Variants in ANK3 observed in about 807,000 individuals in gnomAD.
ANK3 encodes the protein ankyrin 3, also known as ankyrin-3.
A neutral mutation model predicts 370.9 loss-of-function variants in ANK3; 57 were observed. The ratio of observed to expected loss-of-function variants is 0.15; its 90% CI spans 0.12 to 0.19. The LOEUF is 0.19. Ranked by LOEUF, ANK3 falls within the 10% of genes least tolerant of loss-of-function variation. The pLI, the probability that ANK3 is intolerant of heterozygous loss-of-function variation, is 1.00. For missense variants in ANK3, 4,439 were observed against 5,302.1 expected (o/e 0.84, Z 5.06); for synonymous variants, 1,929 against 1,946.3 (o/e 0.99, Z 0.23).
At chr10:60,085,407 C>T (rs941060915) in intron 30 of ANK3, among the ~76,000 whole-genome samples, 154 bp from the exon 31 acceptor site, 5 of 152,140 alleles carry the variant, frequency 3.3e-5, no homozygotes, top group African/African-American at 1.2e-4. Context: ...GTTTTCCTCT[C>T]TACTCTCCTT....
chr10:60,189,669 C>T (rs1399642660), intron 16 of ANK3, among the ~76,000 whole-genome samples: 1 of 152,088 alleles, frequency 6.6e-6, no homozygotes, highest in Non-Finnish European at 1.5e-5. Context: ...ACTTGCCATA[C>T]TAAGAAAGGC....
chr10:60,363,827 A>G (rs1368951984), intron 1 of ANK3, among the ~76,000 whole-genome samples: 2 of 152,222 alleles, frequency 1.3e-5, no homozygotes, highest in Admixed American at 1.3e-4. Context: ...AAAATGGAAC[A>G]TATGCATATA....
intron 16 of ANK3, among the ~76,000 whole-genome samples, chr10:60,192,233 G>A (rs910057223): frequency 5.3e-5 from 8 of 151,670 alleles, no homozygotes; most frequent in East Asian, 1.9e-4. Context: ...CCCATGGTGC[G>A]CGTGTGTGTG....
intron 1 of ANK3, chr10:60,685,004 C>T (rs2079249001): frequency 1.0e-5 from 16 of 1,550,046 alleles, no homozygotes; most frequent in Middle Eastern, 1.7e-4. Flanking sequence ...TTGCAGCCTA[C>T]CTGCGCAATC....
At chr10:60,399,702 T>C (rs913096960) in intron 2 of ANK3, among the ~76,000 whole-genome samples, 1 of 152,048 alleles carries the variant, frequency 6.6e-6, no homozygotes, top group Non-Finnish European at 1.5e-5. Flanking sequence ...TGCACTAAAC[T>C]CCGTACACTT....
At chr10:60,499,643 A>G (rs945651667) in intron 2 of ANK3, among the ~76,000 whole-genome samples, 2 of 152,196 alleles carry the variant, frequency 1.3e-5, no homozygotes, top group Admixed American at 1.3e-4. Flanking sequence ...TTCCCATTCC[A>G]TTCCTATTCC....
intron 1 of ANK3, among the ~76,000 whole-genome samples, chr10:60,376,442 G>C (rs1290306823): frequency 2.7e-5 from 4 of 150,852 alleles, no homozygotes; most frequent in Non-Finnish European, 6.0e-5. Flanking sequence ...ATGCCAAATG[G>C]ATGGCTATAT....
At chr10:60,628,758 A>C (rs1436084836) in intron 1 of ANK3, among the ~76,000 whole-genome samples, 2 of 152,238 alleles carry the variant, frequency 1.3e-5, no homozygotes, top group African/African-American at 4.8e-5. Flanking sequence ...AAAAATCGTT[A>C]ATATACATGG....
chr10:60,642,639 G>T (rs866300276), intron 1 of ANK3, among the ~76,000 whole-genome samples: 53 of 151,234 alleles, frequency 3.5e-4, no homozygotes, highest in African/African-American at 1.3e-3. Context: ...TTGTGGGGTG[G>T]GGGGGCGAGG....
intron 42 of ANK3, chr10:60,043,034 A>G: frequency 2.5e-6 from 3 of 1,192,374 alleles, no homozygotes; most frequent in Non-Finnish European, 3.1e-6. Flanking sequence ...CAGCCTATCC[A>G]TTTCCTATAG....
At position 60,069,212 on chromosome 10, in the gene ANK3, T is replaced by C. The variant is rs2082226203; in HGVS notation, c.11669A>G (p.Lys3890Arg). The C allele has an allele frequency of 6.2e-7, 1 of 1,614,172 alleles. No individual in the cohort carries two copies. The highest frequency in any genetic ancestry group is 1.1e-5 in the South Asian group (1 of 91,080). ...GGTTTTCTCGGATTGACTAACCTGCTTCATTTTACTTGCTTTAGTGTTTGA... is the reference window on the plus strand; with the variant it reads ...GGTTTTCTCGGATTGACTAACCTGCCTCATTTTACTTGCTTTAGTGTTTGA... ...HMSNTKASKM[K>R]QVSQSEKTKA... Residue 3890 changes from lysine (K) to arginine (R), a missense_variant, in exon 37 of 44, where the codon AAG becomes AGG. Transcript: ENST00000280772.
intron 7 of ANK3, among the ~76,000 whole-genome samples, chr10:60,255,271 T>G (rs2097718570): frequency 6.6e-6 from 1 of 152,166 alleles, no homozygotes; most frequent in Non-Finnish European, 1.5e-5. Context: ...TCTAGGTGAA[T>G]GAAATGCAGC....
At chr10:60,218,366 C>T (rs1035359611) in intron 8 of ANK3, among the ~76,000 whole-genome samples, 2 of 127,518 alleles carry the variant, frequency 1.6e-5, no homozygotes, top group Non-Finnish European at 3.6e-5. Flanking sequence ...GATTCTGTTT[C>T]CTCATAGTTT....
chr10:60,225,793 G>A (rs528791069), intron 8 of ANK3, among the ~76,000 whole-genome samples: 1 of 151,876 alleles, frequency 6.6e-6, no homozygotes, highest in East Asian at 1.9e-4. Flanking sequence ...TTTCCACTCT[G>A]TTCTTTGTGT....
intron 1 of ANK3, among the ~76,000 whole-genome samples, chr10:60,671,145 C>CTAAATA (rs1307882065): frequency 6.6e-6 from 1 of 152,170 alleles, no homozygotes; most frequent in African/African-American, 2.4e-5. Flanking sequence ...GCAGCTAAAT[C>CTAAATA]TAAATATAAA....
chr10:60,250,575 C>T (rs1482020649), intron 7 of ANK3, among the ~76,000 whole-genome samples: 1 of 152,080 alleles, frequency 6.6e-6, no homozygotes, highest in Non-Finnish European at 1.5e-5. Context: ...CCATGTTAGC[C>T]AGGATGGTCT....
rs140593831 is a variant in ANK3, at chr10:60,687,600, C to T, written c.57+45663G>A. 7.7e-4 allele frequency among the ~76,000 whole-genome samples: 117 copies of T among 152,172 alleles called. 1 individual carries two copies. Among genetic ancestry groups the T allele is most frequent in the Non-Finnish European group, 1.3e-3 (90 of 68,010 alleles). On this transcript the variant is annotated intron_variant, in intron 1 of 43. Coordinates refer to the ANK3 transcript ENST00000373827. ...GGAGGTGGAGAAACTGATGCCCTTG[C>T]ACACTATTGGTCACGATATAAAATA...
intron 2 of ANK3, among the ~76,000 whole-genome samples, chr10:60,567,429 T>C (rs1413620445): frequency 1.3e-5 from 2 of 152,164 alleles, no homozygotes. Context: ...TTGCTGAATA[T>C]TTTAAGCCTA....
chr10:60,107,424 A>G (rs935167274), intron 27 of ANK3, among the ~76,000 whole-genome samples: 1 of 152,186 alleles, frequency 6.6e-6, no homozygotes, highest in Admixed American at 6.5e-5. Context: ...TATTGGAGAG[A>G]AGGTATGAAC....
Sources: allele counts gnomAD v4.1 joint callset (sites outside exome capture counted in the v4.1 genomes callset), GRCh38; gene constraint gnomAD v4.1.1; transcripts MANE v1.5; gene names NCBI Gene and HGNC (gene_info 2026-07-23, HGNC 2026-07-21).